MORC3: variants seen among roughly 807,000 people sequenced by gnomAD.
The protein encoded by MORC3 is MORC family CW-type zinc finger protein 3.
A neutral mutation model predicts 109.1 loss-of-function variants in MORC3; 31 were observed. The ratio of observed to expected loss-of-function variants is 0.28; its 90% CI spans 0.21 to 0.38. MORC3 has a LOEUF of 0.38. Ranked by LOEUF, MORC3 falls within the 10% of genes least tolerant of loss-of-function variation. The pLI is 1.00. For missense variants in MORC3, 867 were observed against 1,135.8 expected (o/e 0.76, Z 3.40); for synonymous variants, 395 against 380.7 (o/e 1.04, Z -0.44).
At chr21:36,371,809 TGTTTTG>T (rs1478004832) in intron 15 of MORC3, among the ~76,000 whole-genome samples, 1 of 146,112 alleles carries the variant, frequency 6.8e-6, no homozygotes, top group African/African-American at 2.7e-5. Context: ...TGTTTTGTTT[TGTTTTG>T]TTTTTTTTTT....
chr21:36,356,761 T>C (rs2085650162), intron 10 of MORC3, 37 bp downstream of exon 10: 2 of 1,294,232 alleles, frequency 1.5e-6, no homozygotes, highest in East Asian at 4.8e-5. Flanking sequence ...TTCACTTAGA[T>C]ATCAAGATGT....
intron 13 of MORC3, among the ~76,000 whole-genome samples, chr21:36,363,794 C>T (rs1396153021): frequency 6.6e-6 from 1 of 152,202 alleles, no homozygotes; most frequent in African/African-American, 2.4e-5. Context: ...AAAGAGGTCA[C>T]CACATGGTAA....
intron 14 of MORC3, 62 bp downstream of exon 14, chr21:36,364,321 T>G: frequency 6.6e-7 from 1 of 1,507,828 alleles, no homozygotes; most frequent in Non-Finnish European, 9.1e-7. Flanking sequence ...ACTTGACACT[T>G]CTGTGACAGT....
intron 6 of MORC3, 122 bp downstream of exon 6, chr21:36,341,668 A>C: frequency 9.5e-6 from 13 of 1,365,742 alleles, no homozygotes; most frequent in South Asian, 1.3e-5. Flanking sequence ...AAAGTATCTC[A>C]GACATGATTT....
chr21:36,336,749 T>G, intron 2 of MORC3, 125 bp from the exon 3 acceptor site: 1 of 935,824 alleles, frequency 1.1e-6, no homozygotes. Context: ...TTAAAGCTGC[T>G]AAAAATTGCA....
At chr21:36,351,877 C>G in intron 9 of MORC3, among the ~76,000 whole-genome samples, 1 of 152,234 alleles carries the variant, frequency 6.6e-6, no homozygotes, top group South Asian at 2.1e-4. Context: ...TGAAGAGATA[C>G]CTGCACTCTC....
At chr21:36,339,478 TCA>T (rs940223393) in intron 5 of MORC3, 6 of 125,792 alleles carry the variant, frequency 4.8e-5, no homozygotes, top group Non-Finnish European at 7.8e-5. Flanking sequence ...CTATTCTCTC[TCA>T]TTTATTCCAC....
At chr21:36,330,691 C>G (rs1185236729) in intron 1 of MORC3, among the ~76,000 whole-genome samples, 1 of 152,164 alleles carries the variant, frequency 6.6e-6, no homozygotes, top group Admixed American at 6.6e-5. Context: ...GTTTTACACC[C>G]CAAGGCCATG....
chr21:36,360,605 G>A (rs893170622), intron 12 of MORC3: 1 of 293,280 alleles, frequency 3.4e-6, no homozygotes, highest in Non-Finnish European at 6.5e-6. Flanking sequence ...ACGTGTTGGT[G>A]AGTGCCATAG....
At chr21:36,353,177 T>C (rs1018881552) in intron 9 of MORC3, among the ~76,000 whole-genome samples, 7 of 149,530 alleles carry the variant, frequency 4.7e-5, no homozygotes, top group African/African-American at 1.7e-4. Context: ...GCTAACATGG[T>C]GAAACCCAGT....
chr21:36,331,172 G>A (rs1468013626), intron 1 of MORC3, among the ~76,000 whole-genome samples: 2 of 152,086 alleles, frequency 1.3e-5, no homozygotes, highest in Non-Finnish European at 2.9e-5. Context: ...ATATTTTTAG[G>A]GCTCTTCACA....
chr21:36,343,497 G>C (rs1456011496), intron 6 of MORC3, among the ~76,000 whole-genome samples: 8 of 147,306 alleles, frequency 5.4e-5, no homozygotes, highest in Admixed American at 4.8e-4. Context: ...TGCCTAGGCT[G>C]GAGTGCAGTG....
intron 9 of MORC3, among the ~76,000 whole-genome samples, chr21:36,350,373 G>A (rs148393622): frequency 1.5e-4 from 23 of 151,980 alleles, no homozygotes; most frequent in African/African-American, 5.3e-4. Context: ...GCGGAGGATC[G>A]CTTGAGCCGA....
At position 36,337,062 on chromosome 21, in the gene MORC3, C is replaced by T. The variant is rs985355856; in HGVS notation, c.245+56C>T. 69 of 1,567,846 alleles carry T rather than the reference C, an allele frequency of 4.4e-5. No homozygotes were observed. The Admixed American group carries it at 4.6e-4, about 10-fold the overall frequency. On this transcript the variant is annotated intron_variant, in intron 3 of 16. Coordinates refer to ENST00000400485, the MANE Select transcript of MORC3 (RefSeq NM_015358.3). ...TTGTTGCTTTTACCTAAAGGGTTTT[C>T]CATGCCATACTTACTATTCTTGGTT...
Position 36,375,409 on chromosome 21 carries a change from T to G in MORC3, c.*113T>G, listed in dbSNP as rs2085919073. On this transcript the variant is annotated 3_prime_UTR_variant, in exon 17 of 17. Coordinates refer to ENST00000400485, the MANE Select transcript of MORC3 (RefSeq NM_015358.3). ...ATAGGCAACAGACTGAAAACCATAATCTTTACTGTATTCTATGCATTCAAA... is the reference window on the plus strand; with the variant it reads ...ATAGGCAACAGACTGAAAACCATAAGCTTTACTGTATTCTATGCATTCAAA... 3.1e-6 allele frequency: 3 copies of G among 958,168 alleles called. No homozygotes were observed. Among genetic ancestry groups the G allele is most frequent in the Non-Finnish European group, 3.0e-6 (2 of 662,894 alleles). 59.4% of individuals were successfully genotyped at this position (958,168 alleles called of 1,614,324 possible). A position where few individuals can be genotyped will look rare whatever the true frequency, so the allele number is the denominator to read the frequency against.
At chr21:36,346,387 AT>A (rs2085507859) in intron 8 of MORC3, among the ~76,000 whole-genome samples, 1 of 152,026 alleles carries the variant, frequency 6.6e-6, no homozygotes, top group Non-Finnish European at 1.5e-5. Context: ...TTTTATCCCT[AT>A]TTTATGCATA....
intron 12 of MORC3, among the ~76,000 whole-genome samples, chr21:36,361,072 TAAAA>T (rs36107591): frequency 7.2e-6 from 1 of 139,262 alleles, no homozygotes; most frequent in Non-Finnish European, 1.6e-5. Context: ...GACTCTATCT[TAAAA>T]AAAAAAAAAA....
chr21:36,350,172 T>A (rs955304573), intron 9 of MORC3, among the ~76,000 whole-genome samples: 1 of 151,828 alleles, frequency 6.6e-6, no homozygotes, highest in Non-Finnish European at 1.5e-5. Context: ...CAAGGTGTGG[T>A]GGCATGTGTC....
At chr21:36,347,212 T>C (rs2085518990) in intron 8 of MORC3, among the ~76,000 whole-genome samples, 2 of 152,276 alleles carry the variant, frequency 1.3e-5, no homozygotes, top group South Asian at 4.1e-4. Flanking sequence ...ATGTGAGATC[T>C]ACACAGTATA....
Sources: allele counts gnomAD v4.1 joint callset (sites outside exome capture counted in the v4.1 genomes callset), GRCh38; gene constraint gnomAD v4.1.1; transcripts MANE v1.5; gene names NCBI Gene and HGNC (gene_info 2026-07-23, HGNC 2026-07-21).